Variants in ACP7 observed in about 807,000 individuals in gnomAD.
ACP7 encodes the protein acid phosphatase type 7.
ACP7 carries 58 observed loss-of-function variants against 60.6 expected under a neutral mutation model. The observed-to-expected ratio is 0.96, with a 90% confidence interval of 0.77 to 1.19. The LOEUF is 1.19. Among genes scored for constraint, ACP7 ranks in the 50% most tolerant of loss-of-function variants. ACP7 has a pLI of 0.00. For missense variants in ACP7, 574 were observed against 596.2 expected, an observed-to-expected ratio of 0.96 and a Z score of 0.39; for synonymous variants, 237 against 232.6, an observed-to-expected ratio of 1.02 and a Z score of -0.17.
At chr19:39,094,835 A>G (rs2144988486) in intron 2 of ACP7, among the ~76,000 whole-genome samples, 1 of 152,298 alleles carries the variant, frequency 6.6e-6, no homozygotes, top group East Asian at 1.9e-4. Context: ...TTGGACTTAC[A>G]GTTCCACATG....
rs753176971 is a variant in ACP7 at position 39,100,214 on chromosome 19, C to CA, written c.506-13_506-12insA. On this transcript the variant is annotated splice_polypyrimidine_tract_variant and intron_variant, in intron 4 of 12. Coordinates refer to ENST00000331256, the MANE Select transcript of ACP7 (RefSeq NM_001004318.3). ...GGCCTGGGTCCTCACCCTCCTTCCG[C>CA]CCCCTCCCCCAGGAGACTTTGCCTA... 1.3e-6 allele frequency: 2 copies of CA among 1,560,654 alleles called. No individual in the cohort carries two copies. Among genetic ancestry groups the CA allele is most frequent in the South Asian group, 1.1e-5 (1 of 88,694 alleles).
chr19:39,104,799 C>T (rs921454797), intron 11 of ACP7, among the ~76,000 whole-genome samples: 18 of 151,840 alleles, frequency 1.2e-4, no homozygotes, highest in Non-Finnish European at 2.2e-4. Context: ...GCAGGAGAAT[C>T]GCTTGAACCC....
chr19:39,107,514 G>A (rs1475356131), intron 12 of ACP7, among the ~76,000 whole-genome samples: 1 of 146,896 alleles, frequency 6.8e-6, no homozygotes, highest in Non-Finnish European at 1.5e-5. Flanking sequence ...AACCCGGGAG[G>A]CAGAGCTTGC....
rs1568479518 is a variant in ACP7, at chr19:39,098,585, C to G, written c.249C>G (p.Asp83Glu). ...RAQGTFVPFV[D>E]GGILRRKLYI... ...AGGGCACCTTCGTCCCCTTTGTGGACGGGGGCATTCTCCGGCGGAAGCTCT... is the reference window on the plus strand; with the variant it reads ...AGGGCACCTTCGTCCCCTTTGTGGAGGGGGGCATTCTCCGGCGGAAGCTCT... Residue 83 changes from aspartate to glutamate, a missense_variant, in exon 3 of 13, where the codon GAC (aspartate) becomes GAG (glutamate). By Grantham distance (45) the Asp-to-Glu change is conservative (BLOSUM62 2). Transcript: ENST00000331256. The G allele has an allele frequency of 2.5e-6, 4 of 1,613,576 alleles. No individual in the cohort carries two copies. In the South Asian group the frequency reaches 3.3e-5, roughly 13 times the overall value.
At position 39,106,826 on chromosome 19, in the gene ACP7, T is replaced by C. The variant is rs2073415485; in HGVS notation, c.1114-121T>C. 2.0e-5 allele frequency: 25 copies of C among 1,272,328 alleles called. 1 individual carries two copies. The Admixed American group carries it at 4.7e-4, about 24-fold the overall frequency. The allele number at this position is 1,272,328 out of a possible 1,614,324, so 78.8% of individuals were successfully genotyped here. A position where few individuals can be genotyped will look rare whatever the true frequency, so the allele number is the denominator to read the frequency against. On this transcript the variant is annotated intron_variant, in intron 11 of 12. Coordinates refer to ENST00000331256, the MANE Select transcript of ACP7 (RefSeq NM_001004318.3). ...GGCATGAGCCACTGCGCCCGGCCTC[T>C]ATGGTGGTCAAGTCTTCACTGTCTT...
chr19:39,095,441 G>A (rs542275371), intron 2 of ACP7, among the ~76,000 whole-genome samples: 2 of 152,370 alleles, frequency 1.3e-5, no homozygotes, highest in South Asian at 4.1e-4. Context: ...TTGACTTCAG[G>A]CCTCACATGC....
At chr19:39,109,757 G>C (rs2073449955) in intron 12 of ACP7, among the ~76,000 whole-genome samples, 1 of 150,224 alleles carries the variant, frequency 6.7e-6, no homozygotes, top group Non-Finnish European at 1.5e-5. Flanking sequence ...AGCAAGGTCT[G>C]TCTGACTCCA....
intron 3 of ACP7, 140 bp from the exon 4 acceptor site, chr19:39,098,820 G>C (rs1369022256): frequency 3.6e-6 from 5 of 1,375,932 alleles, no homozygotes; most frequent in Non-Finnish European, 4.9e-6. Flanking sequence ...GAAGGTGCCG[G>C]GGAAGGCAGA....
At chr19:39,090,862 T>C (rs2073196131) in intron 2 of ACP7, among the ~76,000 whole-genome samples, 1 of 151,834 alleles carries the variant, frequency 6.6e-6, no homozygotes, top group Non-Finnish European at 1.5e-5. Context: ...GAAATTTTAT[T>C]ATAAGAAAGA....
At chr19:39,102,715 T>TTTCTTTCTTTCTTTCTTTCTTTC (rs1555769414) in intron 11 of ACP7, among the ~76,000 whole-genome samples, 1,387 of 118,608 alleles carry the variant, frequency 0.012, 71 homozygotes, top group East Asian at 0.017. Context: ...CAATGAAGAC[T>TTTCTTTCTTTCTTTCTTTCTTTC]TTTCTTTCTT....
At chr19:39,106,881 A>C in intron 11 of ACP7, 66 bp from the exon 12 acceptor site, 1 of 1,592,396 alleles carries the variant, frequency 6.3e-7, no homozygotes, top group Non-Finnish European at 8.6e-7. Flanking sequence ...CTGGGCTAGC[A>C]GGTCATTTCT....
intron 4 of ACP7, 136 bp from the exon 5 acceptor site, chr19:39,100,091 G>A: frequency 7.8e-7 from 1 of 1,279,388 alleles, no homozygotes; most frequent in Admixed American, 2.4e-5. Flanking sequence ...GAATTCCTGG[G>A]CTCAAGTGAT....
At chr19:39,106,547 A>G (rs2073412527) in intron 11 of ACP7, among the ~76,000 whole-genome samples, 1 of 152,072 alleles carries the variant, frequency 6.6e-6, no homozygotes, top group South Asian at 2.1e-4. Flanking sequence ...TTTGTTTGAG[A>G]CAGTGTCACT....
In ACP7 at chr19:39,101,418, C is replaced by A. The variant is rs1179807305; in HGVS notation, c.1042-48C>A. ...GGTCAGGGTGGTCAGAAGGCCCAGG[C>A]ATGGCCTCGAGTGACTGCCTGCCAC... On this transcript the variant is annotated intron_variant, in intron 10 of 12. Transcript: ENST00000331256. The A allele has an allele frequency of 1.9e-6, 3 of 1,613,286 alleles. No individual in the cohort carries two copies. In the East Asian group the frequency reaches 6.7e-5, roughly 36 times the overall value.
Position 39,098,583 on chromosome 19 carries a change from GA to G in ACP7, c.248del (p.Asp83AlafsTer118). ...CCAGGGCACCTTCGTCCCCTTTGTG[GA>G]CGGGGGCATTCTCCGGCGGAAGCTC... is the stretch of plus-strand genomic sequence containing the variant. The part of the protein sequence containing the change: ...RAQGTFVPFV[D>X]GGILRRKLYI... On this transcript the variant is annotated frameshift_variant, in exon 3 of 13. Coordinates refer to ENST00000331256, the MANE Select transcript of ACP7 (RefSeq NM_001004318.3). LOFTEE classifies it high-confidence loss of function. The G allele has an allele frequency of 6.2e-7, 1 of 1,613,772 alleles. No individual in the cohort carries two copies. Among genetic ancestry groups the G allele is most frequent in the Non-Finnish European group, 8.5e-7 (1 of 1,179,854 alleles).
chr19:39,108,983 G>T (rs1238947998), intron 12 of ACP7, among the ~76,000 whole-genome samples: 2 of 152,032 alleles, frequency 1.3e-5, no homozygotes, highest in African/African-American at 2.4e-5. Flanking sequence ...ACCACACCCG[G>T]CTAATTTTTT....
intron 12 of ACP7, among the ~76,000 whole-genome samples, chr19:39,108,667 C>G (rs2569369): frequency 0.2 from 30,081 of 151,972 alleles, 2,975 homozygotes; most frequent in Non-Finnish European, 0.21. Flanking sequence ...GTATGTGGTA[C>G]AGGTGGCTTA....
chr19:39,090,185 T>C (rs185116149), intron 2 of ACP7, among the ~76,000 whole-genome samples: 67 of 152,320 alleles, frequency 4.4e-4, no homozygotes, highest in African/African-American at 1.5e-3. Context: ...TGTTTTGTTT[T>C]TGAGACGGAG....
rs771107190 is a variant in ACP7, at chr19:39,098,495, G to A, written c.159G>A (p.Trp53Ter). 2 of 1,600,138 alleles carry A rather than the reference G, an allele frequency of 1.2e-6. No individual in the cohort carries two copies. Among genetic ancestry groups the A allele is most frequent in the Non-Finnish European group, 1.7e-6 (2 of 1,173,838 alleles). Residue 53 changes from tryptophan to a stop codon, truncating the protein, a stop_gained, in exon 3 of 13, where the codon TGG becomes TGA. Coordinates refer to ENST00000331256, the MANE Select transcript of ACP7 (RefSeq NM_001004318.3). LOFTEE classifies it high-confidence loss of function. ...CCATGACTGTAACTTGGACCACATG[G>A]GTCCCAACCCGCTCTGAAGTGCAAT... ...PGSMTVTWTT[W>*]VPTRSEVQFG...
Sources: gnomAD v4.1 joint callset for allele counts (sites outside exome capture counted in the v4.1 genomes callset) on GRCh38, gnomAD v4.1.1 for gene constraint, MANE v1.5 for transcripts, NCBI Gene and HGNC (gene_info 2026-07-23, HGNC 2026-07-21) for gene names.